USP25: variants seen among roughly 807,000 people sequenced by gnomAD.
USP25 encodes the protein ubiquitin specific peptidase 25.
Under a neutral mutation model 158.5 loss-of-function variants are expected in USP25, and 85 were observed. The observed-to-expected ratio is 0.54, with a 90% CI of 0.45 to 0.64. The LOEUF is 0.64. USP25 is among the 30% of genes least tolerant of loss of function. The probability of loss-of-function intolerance (pLI) is 0.00; values close to 1 mark genes in which losing one functional copy is unlikely to be tolerated. For missense variants in USP25, 1,242 were observed against 1,327.3 expected (o/e 0.94, Z 1.00); for synonymous variants, 464 against 460.4 (o/e 1.01, Z -0.10).
At chr21:15,738,561 A>G (rs1464063651) in intron 1 of USP25, among the ~76,000 whole-genome samples, 4 of 152,194 alleles carry the variant, frequency 2.6e-5, no homozygotes, top group Non-Finnish European at 4.4e-5. Flanking sequence ...TTATTGGTGT[A>G]TGCAAATGCA....
At chr21:15,769,852 G>T (rs747512019) in intron 3 of USP25, among the ~76,000 whole-genome samples, 1 of 152,134 alleles carries the variant, frequency 6.6e-6, no homozygotes, top group Non-Finnish European at 1.5e-5. Context: ...AGGGATTTGG[G>T]TAGGTAATTT....
At chr21:15,830,929 T>C (rs2146387370) in intron 15 of USP25, among the ~76,000 whole-genome samples, 1 of 152,250 alleles carries the variant, frequency 6.6e-6, no homozygotes, top group South Asian at 2.1e-4. Context: ...TAAAAAGTCT[T>C]ATGGGAGAAA....
chr21:15,744,372 G>A (rs1212768225), intron 1 of USP25: 1 of 152,504 alleles, frequency 6.6e-6, no homozygotes. Flanking sequence ...TGTCACCCAG[G>A]CTGGAGTGCA....
intron 5 of USP25, among the ~76,000 whole-genome samples, chr21:15,798,512 C>G (rs1209394833): frequency 6.6e-6 from 1 of 151,138 alleles, no homozygotes; most frequent in Non-Finnish European, 1.5e-5. Context: ...TTAATGTATT[C>G]ATATCCCTTC....
chr21:15,785,907 CT>C (rs2035244233), intron 4 of USP25, among the ~76,000 whole-genome samples: 1 of 146,728 alleles, frequency 6.8e-6, no homozygotes, highest in African/African-American at 2.5e-5. Flanking sequence ...TTTAGCTAGA[CT>C]AAGAAAAAAG....
At chr21:15,853,472 G>A (rs2146502246) in intron 20 of USP25, among the ~76,000 whole-genome samples, 1 of 151,990 alleles carries the variant, frequency 6.6e-6, no homozygotes, top group Admixed American at 6.5e-5. Context: ...ATTTCTATTT[G>A]AATTAGTTTA....
At chr21:15,868,854 A>G (rs2039766706) in intron 22 of USP25, among the ~76,000 whole-genome samples, 1 of 152,196 alleles carries the variant, frequency 6.6e-6, no homozygotes, top group Non-Finnish European at 1.5e-5. Flanking sequence ...GACAGTTTGA[A>G]TACCTTCCCC....
At chr21:15,804,937 C>T (rs2036305755) in intron 6 of USP25, among the ~76,000 whole-genome samples, 184 bp from the exon 7 acceptor site, 1 of 152,134 alleles carries the variant, frequency 6.6e-6, no homozygotes, top group South Asian at 2.1e-4. Flanking sequence ...TTGTGCTGGA[C>T]TTCTTTGAGT....
intron 17 of USP25, among the ~76,000 whole-genome samples, chr21:15,839,376 C>A (rs181396475): frequency 6.6e-6 from 1 of 152,020 alleles, no homozygotes; most frequent in East Asian, 1.9e-4. Context: ...TGGTAAAAGC[C>A]GAACTTGTTC....
intron 20 of USP25, among the ~76,000 whole-genome samples, chr21:15,862,265 C>G (rs1449026432): frequency 1.3e-5 from 2 of 151,950 alleles, no homozygotes; most frequent in South Asian, 4.1e-4. Flanking sequence ...ATTGCAAAAT[C>G]CAAAACATTT....
At chr21:15,817,861 T>C (rs960274064) in intron 9 of USP25, among the ~76,000 whole-genome samples, 3 of 152,122 alleles carry the variant, frequency 2.0e-5, no homozygotes, top group Non-Finnish European at 2.9e-5. Flanking sequence ...TAAGATGAGA[T>C]TTGAGTGGGG....
chr21:15,767,650 A>G (rs1387702714), intron 3 of USP25, among the ~76,000 whole-genome samples: 2 of 152,088 alleles, frequency 1.3e-5, no homozygotes, highest in Admixed American at 6.6e-5. Context: ...CAAAGTTCCA[A>G]GACTCGAGGG....
intron 5 of USP25, 53 bp downstream of exon 5, chr21:15,791,717 A>T: frequency 6.5e-7 from 1 of 1,539,424 alleles, no homozygotes; most frequent in South Asian, 1.3e-5. Context: ...TAGCAATGGA[A>T]AGTGAGTTGG....
intron 5 of USP25, among the ~76,000 whole-genome samples, chr21:15,797,830 A>G (rs896334954): frequency 7.3e-5 from 11 of 151,192 alleles, no homozygotes; most frequent in Non-Finnish European, 1.6e-4. Context: ...GTACTGAGAG[A>G]GAGAAGGAGA....
intron 4 of USP25, among the ~76,000 whole-genome samples, chr21:15,791,276 C>T (rs189832831): frequency 7.3e-4 from 111 of 151,710 alleles, no homozygotes; most frequent in African/African-American, 2.5e-3. Context: ...TATAAAACTG[C>T]CATTTTATGT....
chr21:15,749,815 T>G (rs900984452), intron 1 of USP25, among the ~76,000 whole-genome samples: 10 of 152,226 alleles, frequency 6.6e-5, no homozygotes, highest in African/African-American at 2.4e-4. Flanking sequence ...GAGAAGTCTA[T>G]GAGCAAGGGA....
At position 15,812,111 on chromosome 21, in the gene USP25, T is replaced by TTA. The variant is rs1317646147; in HGVS notation, c.931+911_931+912dup. ...GGTAACAACTTATATATAAGTTGTTTTATATATATATGCACATATATATGA... is the reference window on the plus strand; with the variant it reads ...GGTAACAACTTATATATAAGTTGTTTTATATATATATATGCACATATATATGA... On this transcript the variant is annotated intron_variant, in intron 9 of 25. Transcript: ENST00000400183. Among the ~76,000 whole-genome samples the TTA allele has an allele frequency of 4.6e-5, 7 of 150,848 alleles. No individual in the cohort carries two copies. In the South Asian group the frequency reaches 6.3e-4, roughly 13 times the overall value.
Position 15,875,910 on chromosome 21 carries a change from AG to A in USP25, c.3009+1386del, listed in dbSNP as rs1208980556. On this transcript the variant is annotated intron_variant, in intron 24 of 25. Coordinates refer to ENST00000400183, the MANE Select transcript of USP25 (RefSeq NM_001283041.3). This position sits in a 1 kb window ranked among gnomAD's most constrained non-coding sequence, Gnocchi z 4.7. ...TCTGGTAATAATAATAGCATTCTAG[AG>A]GATGAACAGGAAAGAAGTAGATTGA... 1 of 152,270 alleles carries A rather than the reference AG, an allele frequency of 6.6e-6. No individual in the cohort carries two copies. The highest frequency in any genetic ancestry group is 2.4e-5 in the African/African-American group (1 of 41,460). 9.4% of individuals were successfully genotyped at this position (152,270 alleles called of 1,614,324 possible).
chr21:15,781,265 T>G (rs2034948113), intron 4 of USP25, among the ~76,000 whole-genome samples: 1 of 152,214 alleles, frequency 6.6e-6, no homozygotes, highest in East Asian at 1.9e-4. Context: ...TAGTGGTAGC[T>G]TCTGTGTTAG....
Sources: gnomAD v4.1 joint callset for allele counts (sites outside exome capture counted in the v4.1 genomes callset) on GRCh38, gnomAD v4.1.1 for gene constraint, Gnocchi (gnomAD v3.1) non-coding constraint, MANE v1.5 for transcripts, NCBI Gene and HGNC (gene_info 2026-07-23, HGNC 2026-07-21) for gene names.